The following GABRG3 variants were observed in gnomAD, a reference collection of about 807,000 sequenced individuals.
GABRG3 encodes gamma-aminobutyric acid receptor subunit gamma-3.
Under a neutral mutation model 48.8 loss-of-function variants are expected in GABRG3, and 25 were observed. That is an observed-to-expected ratio of 0.51 (90% CI 0.37 to 0.72). The LOEUF (loss-of-function observed/expected upper bound fraction) is 0.72. Ranked by LOEUF, GABRG3 falls within the 30% of genes least tolerant of loss-of-function variation. The pLI, the probability that GABRG3 is intolerant of heterozygous loss-of-function variation, is 0.00. For synonymous variants in GABRG3, 227 were observed against 217.6 expected (o/e 1.04, Z -0.38); for missense variants, 394 against 577.9 (o/e 0.68, Z 3.26).
rs548368546 is a variant in GABRG3 at position 27,156,420 on chromosome 15, C to A, written c.270+129599C>A. ...GTTGAGAATTTTTAAAATTCCCATG[C>A]ATTGGTGTGTCTGAGTTTTTAGCTT... On this transcript the variant is annotated intron_variant, in intron 3 of 9. Coordinates refer to ENST00000615808, the MANE Select transcript of GABRG3 (RefSeq NM_033223.5). Among the ~76,000 whole-genome samples, 3 of 151,728 alleles carry A rather than the reference C, an allele frequency of 2.0e-5. No individual in the cohort carries two copies. The East Asian group carries it at 5.8e-4, about 29-fold the overall frequency.
At chr15:27,117,396 G>A (rs149266499) in intron 3 of GABRG3, among the ~76,000 whole-genome samples, 41 of 152,272 alleles carry the variant, frequency 2.7e-4, no homozygotes, top group African/African-American at 9.6e-4. Flanking sequence ...CCACAGAGAA[G>A]TGAGTCCTCT....
chr15:26,989,385 A>G (rs970059013), intron 2 of GABRG3, among the ~76,000 whole-genome samples: 1 of 152,206 alleles, frequency 6.6e-6, no homozygotes, highest in Admixed American at 6.5e-5. Flanking sequence ...ATATATGTAT[A>G]TAAGTTTTAC....
intron 3 of GABRG3, among the ~76,000 whole-genome samples, chr15:27,168,736 C>T (rs2140409156): frequency 6.6e-6 from 1 of 152,282 alleles, no homozygotes; most frequent in Non-Finnish European, 1.5e-5. Flanking sequence ...GTCTGTGAAC[C>T]AGGAAGTGGG....
At chr15:26,980,313 T>A (rs1895029557) in intron 2 of GABRG3, among the ~76,000 whole-genome samples, 1 of 151,742 alleles carries the variant, frequency 6.6e-6, no homozygotes, top group Non-Finnish European at 1.5e-5. Flanking sequence ...CAATTTTGCT[T>A]TTATACTTAT....
intron 5 of GABRG3, among the ~76,000 whole-genome samples, chr15:27,471,257 T>A (rs1326343209): frequency 6.6e-6 from 1 of 152,018 alleles, no homozygotes; most frequent in Non-Finnish European, 1.5e-5. Context: ...ACCAGAGGAG[T>A]GGCTGGTCCC....
intron 3 of GABRG3, among the ~76,000 whole-genome samples, chr15:27,067,852 G>A (rs1896763442): frequency 6.6e-6 from 1 of 152,128 alleles, no homozygotes; most frequent in Non-Finnish European, 1.5e-5. Flanking sequence ...TTGCAATCAG[G>A]AGATCTAACA....
chr15:27,437,006 A>C (rs1180557893), intron 5 of GABRG3, among the ~76,000 whole-genome samples: 1 of 147,800 alleles, frequency 6.8e-6, no homozygotes, highest in Non-Finnish European at 1.5e-5. Context: ...AGAGAGAGAG[A>C]GAGAGAGAGA....
chr15:27,445,296 A>G (rs935102488), intron 5 of GABRG3, among the ~76,000 whole-genome samples: 10 of 152,206 alleles, frequency 6.6e-5, no homozygotes, highest in Non-Finnish European at 1.3e-4. Context: ...CAAAGTAGCT[A>G]TATGATTTTA....
chr15:27,336,830 C>T (rs1893993400), intron 5 of GABRG3, among the ~76,000 whole-genome samples: 2 of 152,144 alleles, frequency 1.3e-5, no homozygotes, highest in Non-Finnish European at 2.9e-5. Flanking sequence ...GACTACTCCA[C>T]AAGAAAAACA....
intron 3 of GABRG3, among the ~76,000 whole-genome samples, chr15:27,097,746 G>T (rs1048654512): frequency 2.0e-4 from 31 of 152,114 alleles, no homozygotes; most frequent in African/African-American, 7.0e-4. Flanking sequence ...TCAAGGCCAA[G>T]CAGGCCACTC....
At chr15:27,450,487 GA>G (rs1397236760) in intron 5 of GABRG3, among the ~76,000 whole-genome samples, 3 of 152,048 alleles carry the variant, frequency 2.0e-5, no homozygotes, top group Admixed American at 6.6e-5. Context: ...AACAGATGCA[GA>G]AAAAGCATTT....
intron 7 of GABRG3, among the ~76,000 whole-genome samples, chr15:27,524,426 T>G (rs1205422954): frequency 6.6e-6 from 1 of 151,910 alleles, no homozygotes; most frequent in Admixed American, 6.6e-5. Flanking sequence ...ACAAAAGAAA[T>G]AAAGAAAAAA....
At position 27,478,909 on chromosome 15, in the gene GABRG3, G is replaced by A. The variant is rs78293406; in HGVS notation, c.575-1741G>A. The stretch of plus-strand genomic sequence containing the variant: ...AGCTATTTACAGAAGGTCACATATC[G>A]TATGATCCCATTTATATAAAATGTC... On this transcript the variant is annotated intron_variant, in intron 5 of 9. Transcript: ENST00000615808. Among the ~76,000 whole-genome samples, 872 of 152,190 alleles carry A rather than the reference G, an allele frequency of 5.7e-3. 15 individuals carry two copies. Among genetic ancestry groups the A allele is most frequent in the East Asian group, 0.03 (156 of 5,172 alleles).
intron 3 of GABRG3, among the ~76,000 whole-genome samples, chr15:27,195,671 G>A (rs1204357490): frequency 1.3e-5 from 2 of 148,364 alleles, no homozygotes; most frequent in African/African-American, 5.0e-5. Flanking sequence ...GTCTCACTCT[G>A]TTCTCTAGGC....
At chr15:27,370,507 G>A (rs1244114098) in intron 5 of GABRG3, among the ~76,000 whole-genome samples, 1 of 152,238 alleles carries the variant, frequency 6.6e-6, no homozygotes, top group East Asian at 1.9e-4. Flanking sequence ...TCTGAGCGGC[G>A]GAGTCTGGGA....
intron 2 of GABRG3, among the ~76,000 whole-genome samples, chr15:27,024,126 A>G (rs1479379246): frequency 6.6e-6 from 1 of 151,860 alleles, no homozygotes; most frequent in Non-Finnish European, 1.5e-5. Flanking sequence ...GGAAATGTCT[A>G]TTTACGTTTT....
intron 5 of GABRG3, among the ~76,000 whole-genome samples, chr15:27,374,349 T>A (rs62001346): frequency 0.062 from 9,388 of 152,120 alleles, 432 homozygotes; most frequent in Non-Finnish European, 0.096. Context: ...CAGGCTAGTC[T>A]CGAACTCCTG....
intron 5 of GABRG3, among the ~76,000 whole-genome samples, chr15:27,388,756 T>A (rs1317740396): frequency 1.3e-5 from 2 of 151,926 alleles, no homozygotes; most frequent in Non-Finnish European, 1.5e-5. Flanking sequence ...CTAAATACCA[T>A]GGGCCCCAAG....
chr15:27,017,245 G>A (rs771522652), intron 2 of GABRG3, among the ~76,000 whole-genome samples: 1 of 152,062 alleles, frequency 6.6e-6, no homozygotes, highest in Non-Finnish European at 1.5e-5. Context: ...CGTACTCCCC[G>A]GACTTGCACA....
Sources: allele counts gnomAD v4.1 joint callset (sites outside exome capture counted in the v4.1 genomes callset), GRCh38; gene constraint gnomAD v4.1.1; transcripts MANE v1.5; gene names NCBI Gene and HGNC (gene_info 2026-07-23, HGNC 2026-07-21).